Variants in MEGF11 observed in about 807,000 individuals in gnomAD.
The protein encoded by MEGF11 is multiple epidermal growth factor-like domains protein 11.
MEGF11 carries 126 observed loss-of-function variants against 146.6 expected under a neutral mutation model. The ratio of observed to expected loss-of-function variants is 0.86; its 90% CI spans 0.74 to 1.00. The LOEUF is 1.00. MEGF11 is among the 50% of genes least tolerant of loss of function. The pLI is 0.00. For missense variants in MEGF11, 1,509 were observed against 1,521.2 expected (o/e 0.99, Z 0.13); for synonymous variants, 532 against 583.4 (o/e 0.91, Z 1.27).
intron 1 of MEGF11, among the ~76,000 whole-genome samples, chr15:66,159,791 T>G (rs2089887462): frequency 6.6e-6 from 1 of 151,946 alleles, no homozygotes; most frequent in Non-Finnish European, 1.5e-5. Flanking sequence ...GTGGGAAGGA[T>G]GGCCAGGACC....
At chr15:66,036,289 T>C (rs2083723507) in intron 5 of MEGF11, among the ~76,000 whole-genome samples, 1 of 152,222 alleles carries the variant, frequency 6.6e-6, no homozygotes, top group Non-Finnish European at 1.5e-5. Flanking sequence ...TCTCTATCCT[T>C]TCTCCCTGCT....
At position 66,173,882 on chromosome 15, in the gene MEGF11, C is replaced by T. The variant is rs557206267; in HGVS notation, c.-8-45471G>A. Among the ~76,000 whole-genome samples, 14 of 152,322 alleles carry T rather than the reference C, an allele frequency of 9.2e-5. No individual in the cohort carries two copies. The South Asian group carries it at 2.7e-3, about 29-fold the overall frequency. Reference sequence around the variant, plus strand: ...AGTTTGCCACAAATCAACAGCCCATCCTGGCAGCTCAAGTCAATATTCTCT... The same window carrying T: ...AGTTTGCCACAAATCAACAGCCCATTCTGGCAGCTCAAGTCAATATTCTCT... On this transcript the variant is annotated intron_variant, in intron 1 of 25. Transcript: ENST00000395614.
chr15:66,203,169 A>T (rs888365391), intron 1 of MEGF11, among the ~76,000 whole-genome samples: 1 of 151,930 alleles, frequency 6.6e-6, no homozygotes, highest in Non-Finnish European at 1.5e-5. Context: ...CTGCCATCCC[A>T]GCTGCCTGAG....
chr15:66,225,728 A>G (rs1383195618), intron 1 of MEGF11, among the ~76,000 whole-genome samples: 1 of 152,162 alleles, frequency 6.6e-6, no homozygotes, highest in African/African-American at 2.4e-5. Flanking sequence ...ACACACACGC[A>G]CACTATCATA....
intron 23 of MEGF11, among the ~76,000 whole-genome samples, chr15:65,907,530 C>T (rs1164138647): frequency 5.3e-5 from 8 of 152,070 alleles, no homozygotes; most frequent in Non-Finnish European, 8.8e-5. Context: ...CCTGACGTCA[C>T]GTGATCTGCC....
At chr15:66,025,324 C>T (rs1335047312) in intron 5 of MEGF11, among the ~76,000 whole-genome samples, 2 of 152,078 alleles carry the variant, frequency 1.3e-5, no homozygotes, top group African/African-American at 4.8e-5. Context: ...AGTGGGGGGG[C>T]TCCTCGTGGT....
At chr15:66,042,395 C>T (rs566791865) in intron 5 of MEGF11, among the ~76,000 whole-genome samples, 36 of 152,196 alleles carry the variant, frequency 2.4e-4, no homozygotes, top group African/African-American at 8.4e-4. Context: ...CAGGCATGAG[C>T]CACCACACCC....
chr15:66,078,501 G>T (rs562389783), intron 5 of MEGF11, among the ~76,000 whole-genome samples: 2 of 152,226 alleles, frequency 1.3e-5, no homozygotes, highest in African/African-American at 4.8e-5. Context: ...GCTGGCTGGC[G>T]CTGACATTCT....
chr15:65,898,841 G>A lies in MEGF11; in HGVS notation c.3149C>T (p.Thr1050Ile), dbSNP rs2078421258. 3.7e-6 allele frequency: 6 copies of A among 1,613,904 alleles called. No homozygotes were observed. The highest frequency in any genetic ancestry group is 3.3e-5 in the South Asian group (3 of 91,094). ...ATAGCTGCTTTCTGGAAGCTTGCAGGTGAGGATGGGTGGGTCCTTAATTGT... is the reference window on the plus strand; with the variant it reads ...ATAGCTGCTTTCTGGAAGCTTGCAGATGAGGATGGGTGGGTCCTTAATTGT... ...YATIKDPPIL[T>I]CKLPESSYVE... The change falls in exon 25 of 26, where the codon ACC becomes ATC. Residue 1050 changes from threonine to isoleucine, a missense_variant. Coordinates refer to ENST00000395614, the MANE Select transcript of MEGF11 (RefSeq NM_001385028.1).
chr15:65,948,654 C>T lies in MEGF11; in HGVS notation c.1287+8893G>A, dbSNP rs561564604. Among the ~76,000 whole-genome samples, 211 of 152,326 alleles carry T rather than the reference C, an allele frequency of 1.4e-3. 2 individuals are homozygous for T. The highest frequency in any genetic ancestry group is 5.0e-3 in the African/African-American group (207 of 41,566). On this transcript the variant is annotated intron_variant, in intron 10 of 25. Coordinates refer to ENST00000395614, the MANE Select transcript of MEGF11 (RefSeq NM_001385028.1). Reference sequence around the variant, plus strand: ...ACAAACATTTACTGAACATTCGCTACGTGCCAGGCTTTGTTCTAAATATTT... The same window carrying T: ...ACAAACATTTACTGAACATTCGCTATGTGCCAGGCTTTGTTCTAAATATTT...
chr15:66,152,921 G>A (rs2089622268), intron 1 of MEGF11, among the ~76,000 whole-genome samples: 1 of 152,214 alleles, frequency 6.6e-6, no homozygotes, highest in Non-Finnish European at 1.5e-5. Context: ...TTGCTCACAT[G>A]CAGCCCTCCT....
chr15:65,965,600 C>CTTT (rs767520450), intron 8 of MEGF11, among the ~76,000 whole-genome samples: 29 of 18,868 alleles, frequency 1.5e-3, no homozygotes, highest in South Asian at 9.4e-3. Context: ...TTCTTTCTTT[C>CTTT]TTTTTTTTTT....
intron 2 of MEGF11, among the ~76,000 whole-genome samples, chr15:66,127,258 C>A (rs1472934577): frequency 1.3e-5 from 2 of 152,236 alleles, no homozygotes; most frequent in Admixed American, 6.5e-5. Flanking sequence ...AAGGGACACA[C>A]CACAGTACTG....
At chr15:65,955,779 T>TAGATATATAG (rs71139450) in intron 10 of MEGF11, among the ~76,000 whole-genome samples, 532 of 10,176 alleles carry the variant, frequency 0.052, 48 homozygotes, top group Non-Finnish European at 0.11. Flanking sequence ...TATATATATA[T>TAGATATATAG]ATATATATAT....
intron 5 of MEGF11, among the ~76,000 whole-genome samples, chr15:66,033,313 C>G (rs888726373): frequency 6.6e-6 from 1 of 152,148 alleles, no homozygotes; most frequent in African/African-American, 2.4e-5. Context: ...AGGCCCCGAG[C>G]TCTAGGAGGG....
chr15:66,150,334 CT>C (rs1354269671), intron 1 of MEGF11, among the ~76,000 whole-genome samples: 1 of 152,226 alleles, frequency 6.6e-6, no homozygotes, highest in African/African-American at 2.4e-5. Context: ...TCCTCAGAAT[CT>C]TGCTAGGAAT....
At chr15:66,164,746 T>C (rs1022688270) in intron 1 of MEGF11, among the ~76,000 whole-genome samples, 4 of 152,228 alleles carry the variant, frequency 2.6e-5, no homozygotes, top group Admixed American at 2.0e-4. Flanking sequence ...CAGAACCTAC[T>C]AGAGCTGACA....
At chr15:66,083,188 C>A (rs1052280875) in intron 5 of MEGF11, among the ~76,000 whole-genome samples, 1 of 152,112 alleles carries the variant, frequency 6.6e-6, no homozygotes, top group East Asian at 1.9e-4. Flanking sequence ...TGGGGCTATA[C>A]CACCAGGCCT....
intron 5 of MEGF11, among the ~76,000 whole-genome samples, chr15:66,011,996 G>A (rs539648482): frequency 6.6e-6 from 1 of 152,138 alleles, no homozygotes; most frequent in Non-Finnish European, 1.5e-5. Flanking sequence ...TGCTGTGGGA[G>A]GCCAAGGTGG....
Sources: allele counts gnomAD v4.1 joint callset (sites outside exome capture counted in the v4.1 genomes callset), GRCh38; gene constraint gnomAD v4.1.1; transcripts MANE v1.5; gene names NCBI Gene and HGNC (gene_info 2026-07-23, HGNC 2026-07-21).